DDX27: variants seen among roughly 807,000 people sequenced by gnomAD.
The protein encoded by DDX27 is DEAD-box helicase 27.
DDX27 carries 42 observed loss-of-function variants against 99.3 expected under a neutral mutation model. The ratio of observed to expected loss-of-function variants is 0.42; its 90% CI spans 0.33 to 0.55. The LOEUF is 0.55. Ranked by LOEUF, DDX27 falls within the 20% of genes least tolerant of loss-of-function variation. DDX27 has a pLI of 0.07. For missense variants in DDX27, 798 were observed against 976.8 expected, an observed-to-expected ratio of 0.82 and a Z score of 2.44; for synonymous variants, 329 against 353.8, an observed-to-expected ratio of 0.93 and a Z score of 0.79.
At chr20:49,241,858 C>T in intron 16 of DDX27, 35 bp from the exon 17 acceptor site, 1 of 1,600,448 alleles carries the variant, frequency 6.2e-7, no homozygotes, top group Non-Finnish European at 8.6e-7. Context: ...AAGATAAAAT[C>T]ATCCCTGAAA....
chr20:49,232,073 G>A (rs759456387), intron 9 of DDX27, among the ~76,000 whole-genome samples: 1 of 152,110 alleles, frequency 6.6e-6, no homozygotes, highest in East Asian at 1.9e-4. Flanking sequence ...AATAAATAGA[G>A]ACGGGGTCTC....
intron 1 of DDX27, 77 bp downstream of exon 1, chr20:49,219,618 A>C: frequency 2.8e-6 from 4 of 1,411,338 alleles, no homozygotes; most frequent in Non-Finnish European, 3.8e-6. Context: ...CTGTCCCCGA[A>C]TCCTCATCAT....
intron 11 of DDX27, 105 bp from the exon 12 acceptor site, chr20:49,234,830 C>A: frequency 7.4e-7 from 1 of 1,358,982 alleles, no homozygotes; most frequent in South Asian, 1.5e-5. Context: ...CAGTGCCTGT[C>A]TATCCAGTGC....
At chr20:49,233,219 A>G (rs1038702232) in intron 9 of DDX27, 87 bp from the exon 10 acceptor site, 19 of 903,326 alleles carry the variant, frequency 2.1e-5, no homozygotes, top group Non-Finnish European at 3.4e-5. Context: ...CAATGACAAC[A>G]AACAGCAGCC....
Position 49,239,985 on chromosome 20 carries a change from T to C in DDX27, c.1897+647T>C, listed in dbSNP as rs1980425651. Among the ~76,000 whole-genome samples the C allele has an allele frequency of 2.0e-5, 3 of 152,216 alleles. 1 individual carries two copies. In the South Asian group the frequency reaches 6.2e-4, roughly 32 times the overall value. ...CACAAAGGGACAAATACTGTCTGAT[T>C]TCACTTACCTGAGATATCTAGCTAG... On this transcript the variant is annotated intron_variant, in intron 16 of 20. Coordinates refer to ENST00000618172, the MANE Select transcript of DDX27 (RefSeq NM_017895.8).
chr20:49,229,586 G>C (rs935706358), intron 8 of DDX27, among the ~76,000 whole-genome samples: 3 of 151,316 alleles, frequency 2.0e-5, no homozygotes, highest in African/African-American at 7.3e-5. Context: ...TTGTCTCCCT[G>C]TAACAGACAC....
chr20:49,224,862 A>G (rs1979819523), intron 4 of DDX27, 83 bp from the exon 5 acceptor site: 3 of 1,487,354 alleles, frequency 2.0e-6, no homozygotes, highest in Non-Finnish European at 2.8e-6. Context: ...GAAGTGTGGC[A>G]TTGGCACTTA....
chr20:49,225,548 CG>C (rs1399445869), intron 6 of DDX27, among the ~76,000 whole-genome samples: 1 of 151,640 alleles, frequency 6.6e-6, no homozygotes, highest in Non-Finnish European at 1.5e-5. Flanking sequence ...CTCCACCTCC[CG>C]GGTTCACGCC....
chr20:49,229,368 T>G (rs1326034962), intron 8 of DDX27, among the ~76,000 whole-genome samples: 3 of 152,162 alleles, frequency 2.0e-5, no homozygotes, highest in African/African-American at 7.2e-5. Context: ...TGGGATTTGA[T>G]TGAGACTTAA....
intron 16 of DDX27, chr20:49,241,665 C>T (rs1980480320): frequency 3.3e-6 from 2 of 600,692 alleles, no homozygotes; most frequent in South Asian, 4.2e-5. Context: ...GTCGGGGTTT[C>T]ACCATGTTGG....
intron 14 of DDX27, among the ~76,000 whole-genome samples, chr20:49,237,251 TC>T (rs1980337024): frequency 1.3e-5 from 2 of 152,052 alleles, no homozygotes; most frequent in Admixed American, 1.3e-4. Flanking sequence ...ATCTCTTAAA[TC>T]CAGGAGGTTG....
chr20:49,229,028 GACT>G, intron 8 of DDX27, 140 bp downstream of exon 8: 1 of 466,388 alleles, frequency 2.1e-6, no homozygotes, highest in Non-Finnish European at 3.3e-6. Context: ...AAAACTGGAA[GACT>G]TTTTTTTTTT....
At chr20:49,239,367 A>G in intron 16 of DDX27, 29 bp downstream of exon 16, 1 of 1,542,440 alleles carries the variant, frequency 6.5e-7, no homozygotes, top group African/African-American at 1.4e-5. Context: ...GCAGAAATCT[A>G]AATACAGAAT....
chr20:49,219,822 TC>T (rs1425051481), intron 1 of DDX27, among the ~76,000 whole-genome samples: 1 of 151,892 alleles, frequency 6.6e-6, no homozygotes, highest in Non-Finnish European at 1.5e-5. Context: ...ACGGCAGGTT[TC>T]TTACACCTTG....
rs36048579 is a variant in DDX27, at chr20:49,226,857, C to CTTTTTTTTTT, written c.706+336_706+345dup. On this transcript the variant is annotated intron_variant, in intron 7 of 20. Coordinates refer to ENST00000618172, the MANE Select transcript of DDX27 (RefSeq NM_017895.8). ...CTGGTGCAATTGAGAGAGTAAAGGA[C>CTTTTTTTTTT]TTTTTTTTTTTTTTTTTTTTTTTGA... is the stretch of plus-strand genomic sequence containing the variant. 1.6e-3 allele frequency among the ~76,000 whole-genome samples: 100 copies of CTTTTTTTTTT among 63,464 alleles called. 20 individuals carry two copies. Among genetic ancestry groups the CTTTTTTTTTT allele is most frequent in the South Asian group, 2.6e-3 (4 of 1,526 alleles). 41.6% of individuals were successfully genotyped at this position (63,464 alleles called of 152,430 possible).
Position 49,235,072 on chromosome 20 carries a change from C to T in DDX27, c.1411C>T (p.Arg471Trp), listed in dbSNP as rs1404464320. 2 of 1,606,362 alleles carry T rather than the reference C, an allele frequency of 1.2e-6. No homozygotes were observed. The highest frequency in any genetic ancestry group is 1.7e-6 in the Non-Finnish European group (2 of 1,176,052). ...CCATGGCAACTTGTCACAGACGCAG[C>T]GGCTGGAGGCCCTCCGGTAACATTT... is the stretch of plus-strand genomic sequence containing the variant. ...ELHGNLSQTQ[R>W]LEALRRFKDE... The change falls in exon 12 of 21, where the codon CGG (arginine) becomes TGG (tryptophan). Residue 471 changes from arginine to tryptophan, a missense_variant. Coordinates refer to ENST00000618172, the MANE Select transcript of DDX27 (RefSeq NM_017895.8).
chr20:49,227,754 GA>G (rs1403053125), intron 7 of DDX27, among the ~76,000 whole-genome samples: 1 of 152,100 alleles, frequency 6.6e-6, no homozygotes, highest in Non-Finnish European at 1.5e-5. Context: ...AGGGTCTGAT[GA>G]AGGTCATTTT....
chr20:49,227,528 G>A (rs1244439184), intron 7 of DDX27, among the ~76,000 whole-genome samples: 1 of 151,942 alleles, frequency 6.6e-6, no homozygotes, highest in African/African-American at 2.4e-5. Context: ...CACCACACCC[G>A]GCTGATTTTT....
At chr20:49,232,299 G>A (rs1020964028) in intron 9 of DDX27, among the ~76,000 whole-genome samples, 1 of 152,118 alleles carries the variant, frequency 6.6e-6, no homozygotes, top group Non-Finnish European at 1.5e-5. Flanking sequence ...TGCAAGGCAG[G>A]AACTTTGGTT....
Sources: allele counts gnomAD v4.1 joint callset (sites outside exome capture counted in the v4.1 genomes callset), GRCh38; gene constraint gnomAD v4.1.1; transcripts MANE v1.5; gene names NCBI Gene and HGNC (gene_info 2026-07-23, HGNC 2026-07-21).